Variants in FSTL4 observed in about 807,000 individuals in gnomAD.
The protein encoded by FSTL4 is follistatin-related protein 4.
In FSTL4, 28 loss-of-function variants were observed where a neutral mutation model predicts 78.2. The observed-to-expected ratio is 0.36, with a 90% confidence interval of 0.27 to 0.49. The LOEUF is 0.49. FSTL4 is among the 20% of genes least tolerant of loss of function. The pLI is 0.98. For missense variants in FSTL4, 922 were observed against 1,084.9 expected, an observed-to-expected ratio of 0.85 and a Z score of 2.11; for synonymous variants, 422 against 440.5, an observed-to-expected ratio of 0.96 and a Z score of 0.53.
chr5:133,499,808 C>T (rs1487884740), intron 3 of FSTL4, among the ~76,000 whole-genome samples: 2 of 152,140 alleles, frequency 1.3e-5, no homozygotes, highest in Non-Finnish European at 2.9e-5. Context: ...CGACAGTACA[C>T]ATTTTAGCTT....
chr5:133,508,579 G>C (rs1758661052), intron 3 of FSTL4, among the ~76,000 whole-genome samples: 1 of 152,146 alleles, frequency 6.6e-6, no homozygotes, highest in Non-Finnish European at 1.5e-5. Context: ...CATGCGGTCT[G>C]TTGTCAACTG....
At chr5:133,341,359 G>T (rs1292536108) in intron 4 of FSTL4, among the ~76,000 whole-genome samples, 1 of 151,700 alleles carries the variant, frequency 6.6e-6, no homozygotes, top group Non-Finnish European at 1.5e-5. Flanking sequence ...AGGTCAAGGT[G>T]ACTCCCTAAC....
the FSTL4 span, among the ~76,000 whole-genome samples, chr5:133,686,352 G>C: frequency 1.3e-5 from 2 of 152,212 alleles, no homozygotes; most frequent in Non-Finnish European, 2.9e-5. Flanking sequence ...GTGGCCAGTA[G>C]GGTCACATGA....
chr5:133,448,217 T>G (rs1452348765), intron 3 of FSTL4, among the ~76,000 whole-genome samples: 1 of 152,236 alleles, frequency 6.6e-6, no homozygotes, highest in African/African-American at 2.4e-5. Context: ...AGGGCTGCCC[T>G]GCCGAATGGT....
the FSTL4 span, among the ~76,000 whole-genome samples, chr5:133,690,329 G>A: frequency 4.6e-5 from 7 of 152,250 alleles, no homozygotes; most frequent in African/African-American, 9.6e-5. Flanking sequence ...AAAGGACTCC[G>A]TAGTTAGGAC....
In FSTL4 at chr5:133,225,767, C is replaced by T. The variant is rs1751308447; in HGVS notation, c.1068G>A (p.Val356=). The change falls in exon 9 of 16, where the codon GTG becomes GTA. Residue 356 remains valine (V), a synonymous_variant. Coordinates refer to ENST00000265342, the MANE Select transcript of FSTL4 (RefSeq NM_015082.2). The surrounding 1 kb of genome is among the most constrained non-coding windows in gnomAD (Gnocchi z 4.6). ...CAGCATGGCATCTTAGGCTGGCTGCCACTCCAGGCTCCTGTGCCTGGCTCT... is the reference window on the plus strand; with the variant it reads ...CAGCATGGCATCTTAGGCTGGCTGCTACTCCAGGCTCCTGTGCCTGGCTCT... The part of the protein sequence containing the change: ...YPESQAQEPG[V]AASLRCHAEG... 8 of 1,610,458 alleles carry T rather than the reference C, an allele frequency of 5.0e-6. No individual in the cohort carries two copies. The highest frequency in any genetic ancestry group is 5.9e-6 in the Non-Finnish European group (7 of 1,178,314).
At chr5:133,288,442 C>T (rs149084551) in intron 6 of FSTL4, among the ~76,000 whole-genome samples, 6 of 152,332 alleles carry the variant, frequency 3.9e-5, no homozygotes, top group African/African-American at 9.6e-5. Flanking sequence ...ACTCCTGGCC[C>T]GCTCACTGAA....
chr5:133,674,068 C>G, the FSTL4 span, among the ~76,000 whole-genome samples: 1 of 152,166 alleles, frequency 6.6e-6, no homozygotes, highest in Non-Finnish European at 1.5e-5. Context: ...ACAACAGAGG[C>G]CCCCACCATA....
chr5:133,780,900 G>A, the FSTL4 span, among the ~76,000 whole-genome samples: 16 of 152,186 alleles, frequency 1.1e-4, no homozygotes, highest in Non-Finnish European at 2.4e-4. Context: ...GCTGCAAGGT[G>A]GCGATCATTA....
At chr5:133,332,157 C>A (rs1281818196) in intron 4 of FSTL4, among the ~76,000 whole-genome samples, 1 of 152,128 alleles carries the variant, frequency 6.6e-6, no homozygotes, top group Non-Finnish European at 1.5e-5. Context: ...CCTCTTCCAG[C>A]GATGGAGTTT....
At chr5:133,723,528 T>C in the FSTL4 span, among the ~76,000 whole-genome samples, 2 of 152,132 alleles carry the variant, frequency 1.3e-5, no homozygotes, top group Non-Finnish European at 2.9e-5. Context: ...AGGCTATCAC[T>C]ATGGCTTATG....
the FSTL4 span, among the ~76,000 whole-genome samples, chr5:133,802,100 T>G: frequency 1.5e-3 from 229 of 152,376 alleles, 2 homozygotes; most frequent in African/African-American, 4.9e-3. Context: ...CTAAGTAATA[T>G]GTTAACCAAC....
intron 2 of FSTL4, among the ~76,000 whole-genome samples, chr5:133,593,820 A>C (rs1391889270): frequency 2.0e-5 from 3 of 152,232 alleles, no homozygotes; most frequent in African/African-American, 7.2e-5. Context: ...AGACTAGAAA[A>C]AGATCATTAA....
chr5:133,640,901 CT>C, the FSTL4 span, among the ~76,000 whole-genome samples: 1 of 152,170 alleles, frequency 6.6e-6, no homozygotes, highest in Non-Finnish European at 1.5e-5. Context: ...GGAAACTAGG[CT>C]TCATGTTTCA....
At chr5:133,516,043 T>C in intron 3 of FSTL4, among the ~76,000 whole-genome samples, 1 of 152,162 alleles carries the variant, frequency 6.6e-6, no homozygotes, top group Non-Finnish European at 1.5e-5. Flanking sequence ...CGCTATTTTT[T>C]TTTTGAAAGA....
chr5:133,370,665 C>T (rs769485654), intron 4 of FSTL4, among the ~76,000 whole-genome samples: 5 of 151,816 alleles, frequency 3.3e-5, no homozygotes, highest in East Asian at 3.9e-4. Flanking sequence ...ACTCCTGTCC[C>T]GCCAGCTGGA....
chr5:133,375,905 G>C (rs982491623), intron 4 of FSTL4, among the ~76,000 whole-genome samples: 2 of 152,206 alleles, frequency 1.3e-5, no homozygotes, highest in Admixed American at 6.5e-5. Context: ...CATACTGCTT[G>C]CATCAGTTGA....
chr5:133,526,479 T>A (rs1759102174), intron 3 of FSTL4, among the ~76,000 whole-genome samples: 1 of 152,140 alleles, frequency 6.6e-6, no homozygotes, highest in South Asian at 2.1e-4. Context: ...AGGGTGCGAC[T>A]CCTATTGGAG....
chr5:133,499,303 A>G (rs1758437495), intron 3 of FSTL4, among the ~76,000 whole-genome samples: 1 of 150,266 alleles, frequency 6.7e-6, no homozygotes, highest in Non-Finnish European at 1.5e-5. Flanking sequence ...GGCTACACAC[A>G]TCACTGGGTC....
Sources: allele counts gnomAD v4.1 joint callset (sites outside exome capture counted in the v4.1 genomes callset), GRCh38; gene constraint gnomAD v4.1.1; non-coding constraint Gnocchi (gnomAD v3.1); transcripts MANE v1.5; gene names NCBI Gene and HGNC (gene_info 2026-07-23, HGNC 2026-07-21).